Variants in PPP2R3A observed in about 807,000 individuals in gnomAD.
PPP2R3A encodes the protein serine/threonine-protein phosphatase 2A regulatory subunit B'' subunit alpha.
In PPP2R3A, 80 loss-of-function variants were observed where a neutral mutation model predicts 106.9. The ratio of observed to expected loss-of-function variants is 0.75; its 90% CI spans 0.62 to 0.90. The LOEUF is 0.90. Among genes scored for constraint, PPP2R3A ranks in the 40% least tolerant of loss-of-function variants. The pLI is 0.00. For synonymous variants in PPP2R3A, 483 were observed against 468.3 expected (o/e 1.03, Z -0.41); for missense variants, 1,386 against 1,350.4 (o/e 1.03, Z -0.41).
chr3:136,056,800 TG>T, intron 5 of PPP2R3A, among the ~76,000 whole-genome samples: 1 of 152,114 alleles, frequency 6.6e-6, no homozygotes, highest in South Asian at 2.1e-4. Flanking sequence ...ATCTACAGAA[TG>T]GTAGAAAATA....
At chr3:136,039,866 G>A (rs749676946) in intron 3 of PPP2R3A, among the ~76,000 whole-genome samples, 1 of 151,936 alleles carries the variant, frequency 6.6e-6, no homozygotes, top group African/African-American at 2.4e-5. Context: ...TTAATTGAAA[G>A]GAAGAGCTTT....
At position 136,031,550 on chromosome 3, in the gene PPP2R3A, T is replaced by C. The variant is rs1934891859; in HGVS notation, c.2262+4452T>C. Among the ~76,000 whole-genome samples, 3 of 152,238 alleles carry C rather than the reference T, an allele frequency of 2.0e-5. No homozygotes were observed. The South Asian group carries it at 6.2e-4, about 32-fold the overall frequency. On this transcript the variant is annotated intron_variant, in intron 3 of 13. Coordinates refer to ENST00000264977, the MANE Select transcript of PPP2R3A (RefSeq NM_002718.5). ...ATCTTTGTTTTTGTTACATTTGCTT[T>C]TGGGTTCTTGGTCATGAAATCTTTG... is the stretch of plus-strand genomic sequence containing the variant.
At position 136,121,085 on chromosome 3, in the gene PPP2R3A, A is replaced by C. The variant is rs149040392; in HGVS notation, c.3329+14763A>C. 1.4e-4 allele frequency among the ~76,000 whole-genome samples: 21 copies of C among 152,302 alleles called. No homozygotes were observed. In the East Asian group the frequency reaches 1.9e-3, roughly 14 times the overall value. The stretch of plus-strand genomic sequence containing the variant: ...ACCCAGCAATCCCACTGCTGGGTAT[A>C]TATACCCAAAGGAAAATAAATGATT... On this transcript the variant is annotated intron_variant, in intron 13 of 13. Transcript: ENST00000264977.
chr3:136,136,172 G>C (rs1307766771), intron 13 of PPP2R3A, among the ~76,000 whole-genome samples: 1 of 150,394 alleles, frequency 6.6e-6, no homozygotes, highest in East Asian at 1.9e-4. Flanking sequence ...CACACAAGCT[G>C]TGTAATCTCA....
chr3:136,106,517 C>G (rs1453821869), intron 13 of PPP2R3A, 195 bp downstream of exon 13: 6 of 578,792 alleles, frequency 1.0e-5, no homozygotes, highest in South Asian at 1.0e-4. Flanking sequence ...CTTCTCATGT[C>G]CATTTCCTTT....
At chr3:136,072,015 C>T (rs893466257) in intron 6 of PPP2R3A, among the ~76,000 whole-genome samples, 5 of 150,902 alleles carry the variant, frequency 3.3e-5, no homozygotes, top group African/African-American at 9.8e-5. Context: ...TGCCCCCTCC[C>T]CCTACACTCT....
intron 5 of PPP2R3A, among the ~76,000 whole-genome samples, chr3:136,065,057 G>A (rs1321811522): frequency 6.6e-6 from 1 of 152,230 alleles, no homozygotes; most frequent in South Asian, 2.1e-4. Flanking sequence ...ATTATCCTAT[G>A]TAAAAGGAAA....
intron 13 of PPP2R3A, among the ~76,000 whole-genome samples, chr3:136,126,373 G>A (rs1335309128): frequency 1.3e-5 from 2 of 152,220 alleles, no homozygotes; most frequent in African/African-American, 4.8e-5. Context: ...CACTGCTAGC[G>A]CAGCAGTCTG....
At chr3:136,076,223 G>A (rs369338497) in intron 6 of PPP2R3A, among the ~76,000 whole-genome samples, 8 of 152,194 alleles carry the variant, frequency 5.3e-5, no homozygotes, top group East Asian at 3.8e-4. Flanking sequence ...ATGCATTTCT[G>A]TCTAGCAGTT....
chr3:136,051,317 T>G (rs1375038779), intron 5 of PPP2R3A, among the ~76,000 whole-genome samples: 1 of 152,168 alleles, frequency 6.6e-6, no homozygotes, highest in Non-Finnish European at 1.5e-5. Flanking sequence ...TATTCATGGC[T>G]GCCATGTTTT....
chr3:135,978,028 T>A (rs918822119), intron 1 of PPP2R3A, among the ~76,000 whole-genome samples: 4 of 152,132 alleles, frequency 2.6e-5, no homozygotes, highest in Non-Finnish European at 4.4e-5. Context: ...AACATCAAGA[T>A]ATATCTAATA....
intron 4 of PPP2R3A, among the ~76,000 whole-genome samples, chr3:136,048,843 A>G (rs76638778): frequency 3.1e-3 from 477 of 152,272 alleles, no homozygotes; most frequent in African/African-American, 0.01. Context: ...ATGAAACAAC[A>G]TGGTAGTTGA....
Position 136,041,406 on chromosome 3 carries a change from C to T in PPP2R3A, c.2366+444C>T, listed in dbSNP as rs549590723. On this transcript the variant is annotated intron_variant, in intron 4 of 13. Coordinates refer to ENST00000264977, the MANE Select transcript of PPP2R3A (RefSeq NM_002718.5). ...CTAAGTAGCTGGGACTACAGGCAGG[C>T]ACCACCACACCTGGCTAATTTTTAT... Among the ~76,000 whole-genome samples, 35 of 151,880 alleles carry T rather than the reference C, an allele frequency of 2.3e-4. No homozygotes were observed. The East Asian group carries it at 6.4e-3, about 28-fold the overall frequency.
At chr3:136,083,657 T>C (rs970147062) in intron 8 of PPP2R3A, among the ~76,000 whole-genome samples, 6 of 151,996 alleles carry the variant, frequency 3.9e-5, no homozygotes, top group African/African-American at 7.3e-5. Context: ...TAGGCAGAGG[T>C]TGGAACAGTT....
chr3:135,987,864 T>C (rs1000925213), intron 1 of PPP2R3A, among the ~76,000 whole-genome samples: 7 of 152,190 alleles, frequency 4.6e-5, no homozygotes, highest in Non-Finnish European at 1.0e-4. Context: ...TATAAAAATA[T>C]TTCATCATCA....
chr3:136,131,568 G>A (rs1938417813), intron 13 of PPP2R3A, among the ~76,000 whole-genome samples: 1 of 152,330 alleles, frequency 6.6e-6, no homozygotes, highest in East Asian at 1.9e-4. Context: ...GTTGGTGGGA[G>A]TGTAAATTAG....
chr3:136,136,135 G>A (rs553061386), intron 13 of PPP2R3A, among the ~76,000 whole-genome samples: 166 of 141,862 alleles, frequency 1.2e-3, no homozygotes, highest in African/African-American at 3.8e-3. Flanking sequence ...GAAGTTAGAC[G>A]AACCTAACTT....
At chr3:135,970,280 C>T (rs193206277) in intron 1 of PPP2R3A, among the ~76,000 whole-genome samples, 5 of 152,174 alleles carry the variant, frequency 3.3e-5, no homozygotes, top group Non-Finnish European at 5.9e-5. Context: ...AGTGGAATGA[C>T]GCCTTGCTCA....
intron 9 of PPP2R3A, 89 bp from the exon 10 acceptor site, chr3:136,090,489 G>A (rs1477259654): frequency 1.9e-6 from 2 of 1,068,820 alleles, no homozygotes; most frequent in African/African-American, 3.2e-5. Flanking sequence ...AATTTTAACT[G>A]ACATACTACT....
Sources: allele counts gnomAD v4.1 joint callset (sites outside exome capture counted in the v4.1 genomes callset), GRCh38; gene constraint gnomAD v4.1.1; transcripts MANE v1.5; gene names NCBI Gene and HGNC (gene_info 2026-07-23, HGNC 2026-07-21).